KCNC2: variants seen among roughly 807,000 people sequenced by gnomAD.
KCNC2 encodes the protein potassium voltage-gated channel subfamily C member 2, also known as voltage-gated potassium channel KCNC2.
A neutral mutation model predicts 44.5 loss-of-function variants in KCNC2; 21 were observed. The ratio of observed to expected loss-of-function variants is 0.47; its 90% CI spans 0.33 to 0.68. KCNC2 has a LOEUF of 0.68. Among genes scored for constraint, KCNC2 ranks in the 30% least tolerant of loss-of-function variants. The pLI, the probability that KCNC2 is intolerant of heterozygous loss-of-function variation, is 0.01. For missense variants in KCNC2, 589 were observed against 826.2 expected (o/e 0.71, Z 3.52); for synonymous variants, 391 against 339.1 (o/e 1.15, Z -1.68).
At chr12:75,073,524 CA>C (rs1209915342) in intron 2 of KCNC2, among the ~76,000 whole-genome samples, 1 of 152,050 alleles carries the variant, frequency 6.6e-6, no homozygotes, top group Non-Finnish European at 1.5e-5. Context: ...TATACAGTTG[CA>C]ATATTATACT....
intron 2 of KCNC2, among the ~76,000 whole-genome samples, chr12:75,121,748 A>G (rs186661948): frequency 6.6e-6 from 1 of 152,352 alleles, no homozygotes; most frequent in East Asian, 1.9e-4. Flanking sequence ...TGGATAGATT[A>G]AAGTGAGTGT....
At chr12:75,102,522 T>A (rs145360444) in intron 2 of KCNC2, among the ~76,000 whole-genome samples, 11 of 152,232 alleles carry the variant, frequency 7.2e-5, no homozygotes, top group African/African-American at 2.4e-4. Flanking sequence ...GCAAATGTTA[T>A]CTGCATATTT....
intron 1 of KCNC2, 72 bp from the exon 2 acceptor site, chr12:75,208,074 A>C: frequency 6.4e-7 from 1 of 1,560,928 alleles, no homozygotes; most frequent in Non-Finnish European, 8.7e-7. Flanking sequence ...CCCCACCACC[A>C]ACCCAGAGCG....
At chr12:75,195,079 A>G (rs1049322341) in intron 2 of KCNC2, among the ~76,000 whole-genome samples, 2 of 152,176 alleles carry the variant, frequency 1.3e-5, no homozygotes, top group Admixed American at 6.5e-5. Context: ...TCAAATTTCT[A>G]GCTTTGGAAT....
chr12:75,072,447 CT>C (rs962711454), intron 2 of KCNC2, among the ~76,000 whole-genome samples: 3 of 152,084 alleles, frequency 2.0e-5, no homozygotes, highest in Non-Finnish European at 4.4e-5. Flanking sequence ...AAAAATTATA[CT>C]TTAGAAATAT....
At chr12:75,050,281 G>A in intron 3 of KCNC2, 109 bp downstream of exon 3, 1 of 812,830 alleles carries the variant, frequency 1.2e-6, no homozygotes, top group Non-Finnish European at 2.0e-6. Flanking sequence ...AAAGGGTTAG[G>A]GCTGAAAACT....
chr12:75,107,806 A>T (rs1314255442), intron 2 of KCNC2, among the ~76,000 whole-genome samples: 1 of 152,230 alleles, frequency 6.6e-6, no homozygotes, highest in East Asian at 1.9e-4. Flanking sequence ...ATTCAGGAAG[A>T]GCTGCAAAAG....
intron 2 of KCNC2, among the ~76,000 whole-genome samples, chr12:75,106,413 T>C (rs1886786401): frequency 6.6e-6 from 1 of 152,188 alleles, no homozygotes; most frequent in South Asian, 2.1e-4. Flanking sequence ...TTAAGAGTTA[T>C]TCCGGTGGTA....
At chr12:75,065,679 G>A (rs892078698) in intron 2 of KCNC2, among the ~76,000 whole-genome samples, 28 of 152,146 alleles carry the variant, frequency 1.8e-4, no homozygotes, top group African/African-American at 6.5e-4. Context: ...AGACCATATA[G>A]CCTAGAAGTG....
intron 2 of KCNC2, among the ~76,000 whole-genome samples, chr12:75,127,564 T>C (rs1302306026): frequency 6.6e-6 from 1 of 152,070 alleles, no homozygotes; most frequent in Non-Finnish European, 1.5e-5. Context: ...AGGAGGCAAA[T>C]AAAGGCATTG....
intron 2 of KCNC2, among the ~76,000 whole-genome samples, chr12:75,147,639 T>A (rs1374565509): frequency 6.6e-6 from 1 of 152,162 alleles, no homozygotes; most frequent in Non-Finnish European, 1.5e-5. Flanking sequence ...GGAAAAAGTG[T>A]CATTCCTGCA....
chr12:75,053,039 G>A (rs930775862), intron 2 of KCNC2, among the ~76,000 whole-genome samples: 3 of 151,514 alleles, frequency 2.0e-5, no homozygotes, highest in Non-Finnish European at 2.9e-5. Context: ...ACAAGTAAAT[G>A]TACTACTATT....
At chr12:75,181,485 T>C (rs1344131315) in intron 2 of KCNC2, among the ~76,000 whole-genome samples, 19 of 152,198 alleles carry the variant, frequency 1.2e-4, no homozygotes, top group Non-Finnish European at 1.5e-5. Flanking sequence ...TACTACTAAG[T>C]ATACCGCACC....
chr12:75,090,411 T>C (rs890109335), intron 2 of KCNC2, among the ~76,000 whole-genome samples: 3 of 151,660 alleles, frequency 2.0e-5, no homozygotes, highest in African/African-American at 7.2e-5. Flanking sequence ...CACTATCTTA[T>C]TGACTTCTTT....
chr12:75,046,874 C>A (rs1880583168), intron 4 of KCNC2, among the ~76,000 whole-genome samples: 1 of 151,578 alleles, frequency 6.6e-6, no homozygotes. Flanking sequence ...GTCTCAAAGG[C>A]ATAGAAGCAG....
At chr12:75,146,125 T>G (rs1344886001) in intron 2 of KCNC2, among the ~76,000 whole-genome samples, 1 of 151,994 alleles carries the variant, frequency 6.6e-6, no homozygotes, top group Non-Finnish European at 1.5e-5. Context: ...CGGCTAATAT[T>G]TTGCATTTCT....
chr12:75,115,282 A>T (rs1036069939), intron 2 of KCNC2, among the ~76,000 whole-genome samples: 1 of 152,188 alleles, frequency 6.6e-6, no homozygotes, highest in African/African-American at 2.4e-5. Flanking sequence ...CTGAACCAGG[A>T]TCTCAGCCAG....
rs551864793 is a variant in KCNC2 at position 75,060,305 on chromosome 12, C to T, written c.688-8988G>A. Among the ~76,000 whole-genome samples the T allele has an allele frequency of 8.3e-4, 127 of 152,132 alleles. 2 individuals are homozygous for T. The highest frequency in any genetic ancestry group is 3.4e-3 in the Middle Eastern group (1 of 294). On this transcript the variant is annotated intron_variant, in intron 2 of 4. Transcript: ENST00000549446. ...CATTTTTCTCCCTTCTCTTCATTCC[C>T]AGGGCCAGCAGCCTAGCTTTTAATA...
Position 75,196,686 on chromosome 12 carries a change from G to A in KCNC2, c.687+10611C>T, listed in dbSNP as rs1010841311. Among the ~76,000 whole-genome samples, 7 of 152,066 alleles carry A rather than the reference G, an allele frequency of 4.6e-5. No individual in the cohort carries two copies. The East Asian group carries it at 7.7e-4, about 17-fold the overall frequency. On this transcript the variant is annotated intron_variant, in intron 2 of 4. Transcript: ENST00000549446. The stretch of plus-strand genomic sequence containing the variant: ...TGTTGAGTCAGAATTCATATTTAGC[G>A]TATTCAGTCAAGTCCTTAACACTAA...
Sources: gnomAD v4.1 joint callset for allele counts (sites outside exome capture counted in the v4.1 genomes callset) on GRCh38, gnomAD v4.1.1 for gene constraint, MANE v1.5 for transcripts, NCBI Gene and HGNC (gene_info 2026-07-23, HGNC 2026-07-21) for gene names.